Variants in ABCA6 observed in about 807,000 individuals in gnomAD.
ABCA6 encodes the protein ATP-binding cassette sub-family A member 6.
ABCA6 carries 164 observed loss-of-function variants against 191.2 expected under a neutral mutation model. That is an observed-to-expected ratio of 0.86 (90% CI 0.76 to 0.98). ABCA6 has a LOEUF of 0.98. Among genes scored for constraint, ABCA6 ranks in the 50% least tolerant of loss-of-function variants. The probability of loss-of-function intolerance (pLI) is 0.00; values close to 1 mark genes in which losing one functional copy is unlikely to be tolerated. For missense variants in ABCA6, 1,958 were observed against 1,894.1 expected, an observed-to-expected ratio of 1.03 and a Z score of -0.63; for synonymous variants, 636 against 647.7, an observed-to-expected ratio of 0.98 and a Z score of 0.27.
intron 11 of ABCA6, 102 bp from the exon 12 acceptor site, chr17:69,115,588 C>A: frequency 1.4e-6 from 1 of 698,726 alleles, no homozygotes; most frequent in South Asian, 2.7e-5. Context: ...AGTTTAGTGG[C>A]ATATTTCTCA....
At chr17:69,093,139 TTG>T (rs2072966068) in intron 25 of ABCA6, among the ~76,000 whole-genome samples, 1 of 152,216 alleles carries the variant, frequency 6.6e-6, no homozygotes, top group African/African-American at 2.4e-5. Context: ...TCACTACTTT[TTG>T]TGTTTTTCTG....
chr17:69,112,029 G>C lies in ABCA6; in HGVS notation c.2132+154C>G, dbSNP rs1338987681. On this transcript the variant is annotated intron_variant, in intron 16 of 38. Transcript: ENST00000284425. ...AATGATTAACATTGTAAAGACACAG[G>C]AGGAAGGAAAGTAAAAAAAAGTATT... 5.0e-6 allele frequency: 3 copies of C among 604,410 alleles called. No individual in the cohort carries two copies. In the African/African-American group the frequency reaches 5.6e-5, roughly 11 times the overall value. 37.4% of individuals were successfully genotyped at this position (604,410 alleles called of 1,614,324 possible). A position where few individuals can be genotyped will look rare whatever the true frequency, so the allele number is the denominator to read the frequency against.
chr17:69,090,423 T>C lies in ABCA6; in HGVS notation c.3528+720A>G, dbSNP rs75241051. On this transcript the variant is annotated intron_variant, in intron 26 of 38. Transcript: ENST00000284425. Reference sequence around the variant, plus strand: ...GGCCTTTGCTTTCCTCTGCAGAACATGCTTACCTCCTGTCCCATTAACTAA... The same window carrying C: ...GGCCTTTGCTTTCCTCTGCAGAACACGCTTACCTCCTGTCCCATTAACTAA... 1.6e-3 allele frequency among the ~76,000 whole-genome samples: 243 copies of C among 152,332 alleles called. 1 individual carries two copies. The highest frequency in any genetic ancestry group is 5.7e-3 in the African/African-American group (236 of 41,576).
intron 2 of ABCA6, 23 bp downstream of exon 2, chr17:69,140,585 A>G (rs943299162): frequency 4.6e-6 from 7 of 1,536,962 alleles, no homozygotes; most frequent in African/African-American, 1.4e-5. Context: ...TAACCGTGGA[A>G]AGAGACAAAT....
chr17:69,079,644 A>C (rs1189416399), intron 37 of ABCA6, among the ~76,000 whole-genome samples: 1 of 152,074 alleles, frequency 6.6e-6, no homozygotes, highest in Non-Finnish European at 1.5e-5. Flanking sequence ...CTGTTATATC[A>C]CCTCTCTGCT....
intron 13 of ABCA6, among the ~76,000 whole-genome samples, chr17:69,114,037 C>T (rs940408696): frequency 1.3e-5 from 2 of 152,054 alleles, no homozygotes; most frequent in African/African-American, 4.8e-5. Flanking sequence ...CTAGAAATAC[C>T]ATTTGACCCA....
chr17:69,085,279 A>G, intron 31 of ABCA6, 97 bp from the exon 32 acceptor site: 1 of 1,185,822 alleles, frequency 8.4e-7, no homozygotes, highest in Non-Finnish European at 1.2e-6. Flanking sequence ...AAATTGTTTA[A>G]GCATCAAATA....
Position 69,081,124 on chromosome 17 carries a change from A to G in ABCA6, c.4638T>C (p.Tyr1546=), listed in dbSNP as rs774677170. The G allele has an allele frequency of 6.2e-7, 1 of 1,600,028 alleles. No individual in the cohort carries two copies. The highest frequency in any genetic ancestry group is 8.5e-7 in the Non-Finnish European group (1 of 1,173,232). Residue 1546 remains tyrosine (Y), a synonymous_variant, in exon 37 of 39, where the codon TAT becomes TAC. Transcript: ENST00000284425. ...GQERYSSLLT[Y]KLPVADVYPL... ...GGTAAACGTCTGCCACGGGCAGCTT[A>G]TAGGTTAACAAAGAGGAATACCTGA... is the stretch of plus-strand genomic sequence containing the variant.
intron 1 of ABCA6, among the ~76,000 whole-genome samples, chr17:69,141,057 G>A (rs1056647681): frequency 5.9e-5 from 9 of 152,082 alleles, no homozygotes; most frequent in Admixed American, 1.3e-4. Context: ...TGAATAGAGT[G>A]ATTAAATTAA....
At chr17:69,097,661 A>G (rs1412082493) in intron 23 of ABCA6, among the ~76,000 whole-genome samples, 1 of 152,232 alleles carries the variant, frequency 6.6e-6, no homozygotes. Flanking sequence ...CAAAAGATTT[A>G]TAATATTTCC....
At position 69,085,012 on chromosome 17, in the gene ABCA6, C is replaced by T. The variant is rs148658263; in HGVS notation, c.4184+16G>A. On this transcript the variant is annotated intron_variant, in intron 32 of 38. Coordinates refer to ENST00000284425, the MANE Select transcript of ABCA6 (RefSeq NM_080284.3). ...CCTGCATTCTGACACAAAGGAATCG[C>T]AGGTCCCGTCTGTACCTTGCGATGG... 6.3e-6 allele frequency: 10 copies of T among 1,575,722 alleles called. No individual in the cohort carries two copies. In the East Asian group the frequency reaches 2.0e-4, roughly 32 times the overall value.
At chr17:69,108,151 G>T in intron 17 of ABCA6, 1 of 216,588 alleles carries the variant, frequency 4.6e-6, no homozygotes, top group Non-Finnish European at 9.0e-6. Context: ...CTATATTCTG[G>T]GTCTTCTCTC....
chr17:69,117,696 TATAAA>T (rs1240544365), intron 11 of ABCA6, among the ~76,000 whole-genome samples, 197 bp downstream of exon 11: 2 of 152,080 alleles, frequency 1.3e-5, no homozygotes, highest in African/African-American at 2.4e-5. Flanking sequence ...ATACCACTGT[TATAAA>T]TTAATAGATT....
At chr17:69,119,186 A>G (rs927852746) in intron 10 of ABCA6, among the ~76,000 whole-genome samples, 2 of 152,078 alleles carry the variant, frequency 1.3e-5, no homozygotes, top group African/African-American at 4.8e-5. Context: ...GTCTAATGTG[A>G]AGCCAGGTTT....
chr17:69,115,780 T>A, intron 11 of ABCA6: 1 of 192,244 alleles, frequency 5.2e-6, no homozygotes, highest in Non-Finnish European at 1.1e-5. Flanking sequence ...TAAAATGACC[T>A]TTCAAATGTA....
chr17:69,085,330 G>T (rs2072754903), intron 31 of ABCA6, 148 bp from the exon 32 acceptor site: 1 of 817,414 alleles, frequency 1.2e-6, no homozygotes, highest in Non-Finnish European at 1.8e-6. Context: ...TACAGAAAAT[G>T]ATTTAAAGTA....
chr17:69,110,412 G>A (rs2073399797), intron 17 of ABCA6: 1 of 183,784 alleles, frequency 5.4e-6, no homozygotes, highest in Non-Finnish European at 1.1e-5. Flanking sequence ...GCTCTCGTAG[G>A]CATCCCTTAA....
intron 11 of ABCA6, among the ~76,000 whole-genome samples, chr17:69,117,307 T>C (rs2073555167): frequency 6.6e-6 from 1 of 152,024 alleles, no homozygotes; most frequent in Non-Finnish European, 1.5e-5. Context: ...TTTTTATCCC[T>C]CCTAAAAATT....
rs758461168 is a variant in ABCA6, at chr17:69,085,195, AAG to A, written c.4030-15_4030-14del. 1.3e-6 allele frequency: 2 copies of A among 1,598,642 alleles called. No homozygotes were observed. Among genetic ancestry groups the A allele is most frequent in the Non-Finnish European group, 1.7e-6 (2 of 1,172,296 alleles). On this transcript the variant is annotated splice_polypyrimidine_tract_variant and intron_variant, in intron 31 of 38. Transcript: ENST00000284425. ...CTTTCAGTTCCACCTAAAAAAATAA[AAG>A]AGCTTTAGAAAGGCATGCAGCCTTT...
Sources: allele counts gnomAD v4.1 joint callset (sites outside exome capture counted in the v4.1 genomes callset), GRCh38; gene constraint gnomAD v4.1.1; transcripts MANE v1.5; gene names NCBI Gene and HGNC (gene_info 2026-07-23, HGNC 2026-07-21).